NELL1: variants seen among roughly 807,000 people sequenced by gnomAD.
NELL1 encodes neural EGFL like 1.
A neutral mutation model predicts 107.4 loss-of-function variants in NELL1; 76 were observed. That is an observed-to-expected ratio of 0.71 (90% CI 0.59 to 0.86). The LOEUF is 0.86. Among genes scored for constraint, NELL1 ranks in the 40% least tolerant of loss-of-function variants. NELL1 has a pLI of 0.00. For missense variants in NELL1, 1,024 were observed against 1,005.5 expected (o/e 1.02, Z -0.25); for synonymous variants, 353 against 341.2 (o/e 1.03, Z -0.38).
intron 14 of NELL1, among the ~76,000 whole-genome samples, chr11:21,317,564 A>G (rs1227528340): frequency 6.6e-6 from 1 of 151,750 alleles, no homozygotes; most frequent in Non-Finnish European, 1.5e-5. Context: ...GCCAAGGAGG[A>G]TATTTTATAT....
intron 15 of NELL1, among the ~76,000 whole-genome samples, chr11:21,446,016 A>G (rs1448695768): frequency 6.6e-6 from 1 of 151,902 alleles, no homozygotes; most frequent in Admixed American, 6.6e-5. Context: ...TAGATCTTGT[A>G]TACTTTTTTC....
chr11:21,099,108 C>T (rs981279843), intron 12 of NELL1, among the ~76,000 whole-genome samples: 21 of 151,554 alleles, frequency 1.4e-4, no homozygotes, highest in Non-Finnish European at 2.5e-4. Context: ...AAGAAGGTTT[C>T]CACTCAAAAG....
At chr11:21,047,296 G>A (rs754788902) in intron 12 of NELL1, among the ~76,000 whole-genome samples, 9 of 152,048 alleles carry the variant, frequency 5.9e-5, no homozygotes, top group Non-Finnish European at 1.2e-4. Context: ...GGTAGCTCAT[G>A]TTTGAAAAAA....
chr11:20,967,403 T>C (rs1249729811), intron 12 of NELL1, among the ~76,000 whole-genome samples: 10 of 152,178 alleles, frequency 6.6e-5, no homozygotes, highest in Non-Finnish European at 1.0e-4. Flanking sequence ...TCATGATCTA[T>C]GTAGCACCAC....
intron 15 of NELL1, among the ~76,000 whole-genome samples, chr11:21,458,864 T>G (rs1213679270): frequency 2.0e-5 from 3 of 152,130 alleles, no homozygotes; most frequent in African/African-American, 7.2e-5. Context: ...TTTTTTCTGT[T>G]AAATGAACAG....
At chr11:20,944,558 A>T (rs1471437174) in intron 10 of NELL1, among the ~76,000 whole-genome samples, 1 of 152,242 alleles carries the variant, frequency 6.6e-6, no homozygotes, top group Non-Finnish European at 1.5e-5. Flanking sequence ...ATGAGAAAGA[A>T]AAAAGGAATT....
intron 15 of NELL1, among the ~76,000 whole-genome samples, chr11:21,465,009 A>G (rs1853991168): frequency 6.6e-6 from 1 of 152,158 alleles, no homozygotes; most frequent in African/African-American, 2.4e-5. Flanking sequence ...GTATGATGTT[A>G]TCTTGTATAC....
chr11:21,464,293 G>A (rs1413496857), intron 15 of NELL1, among the ~76,000 whole-genome samples: 3 of 151,288 alleles, frequency 2.0e-5, no homozygotes, highest in Non-Finnish European at 4.4e-5. Flanking sequence ...ATTTCACAAA[G>A]TAATTAAACT....
chr11:20,692,998 A>C (rs1475116042), intron 2 of NELL1, among the ~76,000 whole-genome samples: 9 of 152,110 alleles, frequency 5.9e-5, no homozygotes, highest in African/African-American at 1.2e-4. Flanking sequence ...TATTTAGGAT[A>C]GTTAGCTCTT....
At chr11:21,148,871 T>C (rs184520439) in intron 13 of NELL1, among the ~76,000 whole-genome samples, 1 of 152,336 alleles carries the variant, frequency 6.6e-6, no homozygotes, top group Admixed American at 6.5e-5. Flanking sequence ...TTACATTACC[T>C]TAGGGGCCAC....
intron 2 of NELL1, among the ~76,000 whole-genome samples, chr11:20,720,356 C>T (rs898639996): frequency 4.0e-5 from 6 of 151,852 alleles, no homozygotes; most frequent in South Asian, 2.1e-4. Flanking sequence ...TACAGGCGTG[C>T]GCCACCATAC....
At chr11:21,541,137 A>G (rs1439968338) in intron 16 of NELL1, among the ~76,000 whole-genome samples, 1 of 152,042 alleles carries the variant, frequency 6.6e-6, no homozygotes, top group African/African-American at 2.4e-5. Context: ...ATTTTTACCT[A>G]TCATATAAAA....
At chr11:20,878,069 A>G (rs977352482) in intron 4 of NELL1, among the ~76,000 whole-genome samples, 1 of 152,194 alleles carries the variant, frequency 6.6e-6, no homozygotes, top group Non-Finnish European at 1.5e-5. Flanking sequence ...TTCAAAAAAC[A>G]TGCCATTTGG....
chr11:21,422,806 A>C (rs1852717935), intron 15 of NELL1, among the ~76,000 whole-genome samples: 1 of 152,156 alleles, frequency 6.6e-6, no homozygotes, highest in African/African-American at 2.4e-5. Context: ...GGAAACAAAT[A>C]AGAGAATGAA....
intron 2 of NELL1, among the ~76,000 whole-genome samples, chr11:20,737,837 A>G (rs74546388): frequency 0.054 from 8,127 of 151,758 alleles, 716 homozygotes; most frequent in African/African-American, 0.18. Flanking sequence ...TGGAGAAAAA[A>G]TCAAATTTAC....
chr11:20,920,183 C>T (rs58308615), intron 7 of NELL1, among the ~76,000 whole-genome samples: 4,497 of 151,778 alleles, frequency 0.03, 226 homozygotes, highest in African/African-American at 0.1. Flanking sequence ...CAGCCTAGGG[C>T]GAAGAAAGAA....
intron 5 of NELL1, among the ~76,000 whole-genome samples, chr11:20,899,369 A>C (rs1388765272): frequency 6.6e-6 from 1 of 152,204 alleles, no homozygotes; most frequent in East Asian, 1.9e-4. Context: ...TGGCAATATA[A>C]ACAGTATCAT....
At chr11:21,548,711 CTG>C (rs1856502403) in intron 16 of NELL1, among the ~76,000 whole-genome samples, 1 of 151,554 alleles carries the variant, frequency 6.6e-6, no homozygotes, top group Non-Finnish European at 1.5e-5. Context: ...CATAAGGTTA[CTG>C]TGTTTGTATT....
At chr11:20,924,650 T>C (rs1332357232) in intron 7 of NELL1, among the ~76,000 whole-genome samples, 1 of 152,136 alleles carries the variant, frequency 6.6e-6, no homozygotes, top group Non-Finnish European at 1.5e-5. Flanking sequence ...TGGAGTGATA[T>C]AGACACCAGA....
Sources: allele counts gnomAD v4.1 joint callset (sites outside exome capture counted in the v4.1 genomes callset), GRCh38; gene constraint gnomAD v4.1.1; transcripts MANE v1.5; gene names NCBI Gene and HGNC (gene_info 2026-07-23, HGNC 2026-07-21).